The following MIOS variants were observed in gnomAD, a reference collection of about 807,000 sequenced individuals.
MIOS encodes meiosis regulator for oocyte development, also known as GATOR2 complex protein MIOS.
In MIOS, 52 loss-of-function variants were observed where a neutral mutation model predicts 96.9. The ratio of observed to expected loss-of-function variants is 0.54; its 90% confidence interval spans 0.43 to 0.68. The LOEUF (loss-of-function observed/expected upper bound fraction) is 0.68, where lower values mean the gene tolerates loss of function less well. MIOS is among the 30% of genes least tolerant of loss of function. The probability of loss-of-function intolerance (pLI) is 0.00; values close to 1 mark genes in which losing one functional copy is unlikely to be tolerated. For synonymous variants in MIOS, 397 were observed against 359.5 expected (o/e 1.10, Z -1.18); for missense variants, 1,005 against 1,052.8 (o/e 0.95, Z 0.63).
At chr7:7,591,859 A>T (rs907025831) in intron 9 of MIOS, among the ~76,000 whole-genome samples, 3 of 152,016 alleles carry the variant, frequency 2.0e-5, no homozygotes, top group African/African-American at 7.2e-5. Context: ...CCTCAATCTT[A>T]TTCGGTTTTT....
At chr7:7,599,864 C>T (rs1784319352) in intron 11 of MIOS, among the ~76,000 whole-genome samples, 1 of 152,126 alleles carries the variant, frequency 6.6e-6, no homozygotes, top group South Asian at 2.1e-4. Flanking sequence ...ACTATGCAGC[C>T]ATGTCTTTTG....
chr7:7,585,792 A>G lies in MIOS; in HGVS notation c.1805A>G (p.Tyr602Cys). The G allele has an allele frequency of 6.2e-7, 1 of 1,606,498 alleles. No homozygotes were observed. The highest frequency in any genetic ancestry group is 8.5e-7 in the Non-Finnish European group (1 of 1,177,032). Residue 602 changes from tyrosine (Y) to cysteine (C), a missense_variant, in exon 7 of 13, where the codon TAC (tyrosine) becomes TGC (cysteine). Physicochemically the swap from Tyr to Cys is radical, Grantham distance 194. Coordinates refer to ENST00000340080, the MANE Select transcript of MIOS (RefSeq NM_019005.4). ...TTTCTGACAAGTGAAACAGGATCTT[A>G]CGATGGAGTTTTGGTAAGCTAACTT... ...FAFLTSETGS[Y>C]DGVLYENKVA...
intron 5 of MIOS, among the ~76,000 whole-genome samples, chr7:7,577,031 C>A (rs1183731297): frequency 6.6e-6 from 1 of 151,952 alleles, no homozygotes; most frequent in Admixed American, 6.6e-5. Context: ...GTCCATTGGG[C>A]AATAGGATAT....
intron 11 of MIOS, among the ~76,000 whole-genome samples, chr7:7,597,420 T>G (rs1784235108): frequency 7.3e-6 from 1 of 136,314 alleles, no homozygotes; most frequent in African/African-American, 2.7e-5. Context: ...GTCCCTTGAC[T>G]TCTAGATTTT....
rs937291380 is a variant in MIOS, at chr7:7,608,293, A to C, written c.*1201A>C. 3.3e-5 allele frequency: 5 copies of C among 152,140 alleles called. No individual in the cohort carries two copies. Among genetic ancestry groups the C allele is most frequent in the African/African-American group, 1.2e-4 (5 of 41,468 alleles). 9.4% of individuals were successfully genotyped at this position (152,140 alleles called of 1,614,324 possible). On this transcript the variant is annotated 3_prime_UTR_variant, in exon 13 of 13. Transcript: ENST00000340080. The stretch of plus-strand genomic sequence containing the variant: ...ATTTTGTAGTTGAAGCTGTGTTCAT[A>C]AAGAGTAAATCTTATTTTATAGATT...
intron 11 of MIOS, among the ~76,000 whole-genome samples, chr7:7,604,845 C>G (rs1439306264): frequency 6.6e-6 from 1 of 152,190 alleles, no homozygotes; most frequent in African/African-American, 2.4e-5. Context: ...GTGACAAGCA[C>G]TAATGAGAGC....
chr7:7,567,348 GC>G (rs1379203784), intron 1 of MIOS: 1 of 152,510 alleles, frequency 6.6e-6, no homozygotes, highest in African/African-American at 2.4e-5. Context: ...CGGCGTCCCA[GC>G]CTTTCCCGGG....
In MIOS at chr7:7,583,236, G is replaced by A. The variant is rs531978292; in HGVS notation, c.1512G>A (p.Thr504=). ...TTTGTGGGTGGATAAAGAAAGGAACGGATGTAGACGTGGGGCCATTTTTGA... is the reference window on the plus strand; with the variant it reads ...TTTGTGGGTGGATAAAGAAAGGAACAGATGTAGACGTGGGGCCATTTTTGA... ...LQLCGWIKKG[T]DVDVGPFLNS... is the part of the protein sequence containing the mutation. Residue 504 remains threonine, a synonymous_variant, in exon 6 of 13, where the codon ACG becomes ACA. Coordinates refer to ENST00000340080, the MANE Select transcript of MIOS (RefSeq NM_019005.4). The A allele has an allele frequency of 9.9e-6, 16 of 1,614,108 alleles. No homozygotes were observed. In the South Asian group the frequency reaches 1.4e-4, roughly 14 times the overall value.
At chr7:7,585,545 C>G in intron 6 of MIOS, 91 bp from the exon 7 acceptor site, 2 of 1,178,842 alleles carry the variant, frequency 1.7e-6, no homozygotes, top group Non-Finnish European at 2.3e-6. Context: ...GGGTAAAAGT[C>G]ACCCTCTGAT....
intron 7 of MIOS, among the ~76,000 whole-genome samples, chr7:7,586,592 T>C (rs1021488272): frequency 6.6e-6 from 1 of 152,208 alleles, no homozygotes; most frequent in Non-Finnish European, 1.5e-5. Context: ...TATACATTTC[T>C]TGAATAAGTG....
chr7:7,587,759 AT>A (rs1009721393), intron 7 of MIOS, among the ~76,000 whole-genome samples: 4 of 152,176 alleles, frequency 2.6e-5, no homozygotes, highest in Non-Finnish European at 5.9e-5. Flanking sequence ...AACTGAAGTG[AT>A]CTTACGGTTA....
chr7:7,595,158 C>T (rs1208090146), intron 10 of MIOS, 26 bp downstream of exon 10: 1 of 1,587,144 alleles, frequency 6.3e-7, no homozygotes, highest in East Asian at 2.3e-5. Context: ...TGGAGAAAAT[C>T]AAATTGTAAC....
intron 5 of MIOS, 198 bp from the exon 6 acceptor site, chr7:7,582,920 T>C (rs1411422812): frequency 1.7e-6 from 1 of 592,940 alleles, no homozygotes; most frequent in Admixed American, 3.7e-5. Context: ...AGTAGTTCTT[T>C]GCTAACTCAA....
intron 6 of MIOS, among the ~76,000 whole-genome samples, chr7:7,584,433 T>C (rs1238028478): frequency 3.3e-5 from 5 of 152,184 alleles, no homozygotes; most frequent in Admixed American, 6.5e-5. Flanking sequence ...AGGGAAAATG[T>C]ATCTTTCCAG....
chr7:7,568,935 T>C (rs2115327416), intron 3 of MIOS, among the ~76,000 whole-genome samples: 1 of 152,372 alleles, frequency 6.6e-6, no homozygotes, highest in African/African-American at 2.4e-5. Context: ...GAGAGTCATG[T>C]AAATCAAAGT....
chr7:7,584,523 C>G (rs1447898411), intron 6 of MIOS, among the ~76,000 whole-genome samples: 2 of 152,050 alleles, frequency 1.3e-5, no homozygotes, highest in African/African-American at 4.8e-5. Context: ...TATACAAAAT[C>G]CAAAGATACT....
intron 11 of MIOS, among the ~76,000 whole-genome samples, chr7:7,600,506 C>T (rs935250662): frequency 5.3e-5 from 8 of 152,082 alleles, no homozygotes; most frequent in Admixed American, 1.3e-4. Flanking sequence ...CAGTTCAACA[C>T]GAAGAACTAA....
In MIOS at chr7:7,606,059, T is replaced by G; in HGVS notation, c.2519T>G (p.Leu840Arg). 2 of 1,613,748 alleles carry G rather than the reference T, an allele frequency of 1.2e-6. No individual in the cohort carries two copies. The highest frequency in any genetic ancestry group is 1.7e-6 in the Non-Finnish European group (2 of 1,179,742). Residue 840 changes from leucine (L) to arginine (R), a missense_variant, in exon 12 of 13, where the codon CTT becomes CGT. Coordinates refer to ENST00000340080, the MANE Select transcript of MIOS (RefSeq NM_019005.4). ...CACGGTGGACATGCTGGACATATGC[T>G]TAGTTGGTTCAGGTAATCAGCACAT... is the stretch of plus-strand genomic sequence containing the variant. ...CRHGGHAGHM[L>R]SWFRDHAECP...
intron 5 of MIOS, among the ~76,000 whole-genome samples, chr7:7,580,176 A>G (rs1164706575): frequency 6.6e-6 from 1 of 152,240 alleles, no homozygotes; most frequent in East Asian, 1.9e-4. Context: ...TGCCCTGACA[A>G]TTTAAATTTG....
Sources: gnomAD v4.1 joint callset for allele counts (sites outside exome capture counted in the v4.1 genomes callset) on GRCh38, gnomAD v4.1.1 for gene constraint, MANE v1.5 for transcripts, NCBI Gene and HGNC (gene_info 2026-07-23, HGNC 2026-07-21) for gene names.